FMN1: variants seen among roughly 807,000 people sequenced by gnomAD.
FMN1 encodes formin-1.
A neutral mutation model predicts 132.4 loss-of-function variants in FMN1; 110 were observed. The ratio of observed to expected loss-of-function variants is 0.83; its 90% CI spans 0.71 to 0.97. FMN1 has a LOEUF of 0.97. Ranked by LOEUF, FMN1 falls within the 50% of genes least tolerant of loss-of-function variation. The pLI is 0.00. For missense variants in FMN1, 1,792 were observed against 1,705.3 expected (o/e 1.05, Z -0.90); for synonymous variants, 722 against 651.7 (o/e 1.11, Z -1.64).
At chr15:33,181,440 A>T (rs1414433230) in intron 2 of FMN1, among the ~76,000 whole-genome samples, 1 of 152,110 alleles carries the variant, frequency 6.6e-6, no homozygotes, top group Non-Finnish European at 1.5e-5. Flanking sequence ...TACTCTTGAC[A>T]TGACCTCCAC....
chr15:32,975,777 A>G (rs1293093743), intron 7 of FMN1, among the ~76,000 whole-genome samples: 1 of 152,196 alleles, frequency 6.6e-6, no homozygotes, highest in Non-Finnish European at 1.5e-5. Flanking sequence ...CCCGGTAGAA[A>G]TGAACCACAT....
intron 7 of FMN1, among the ~76,000 whole-genome samples, chr15:32,972,363 T>TCGCAGCA (rs2140688488): frequency 6.6e-6 from 1 of 152,320 alleles, no homozygotes; most frequent in South Asian, 2.1e-4. Context: ...CTCTTTTCCT[T>TCGCAGCA]CGCAGCAGAA....
chr15:32,978,003 C>T (rs1185925325), intron 7 of FMN1, among the ~76,000 whole-genome samples: 4 of 151,850 alleles, frequency 2.6e-5, no homozygotes, highest in Non-Finnish European at 1.5e-5. Context: ...ACTACAGATG[C>T]ATGCCCCCAC....
At chr15:32,787,837 C>A (rs1256108367) in intron 19 of FMN1, among the ~76,000 whole-genome samples, 1 of 151,816 alleles carries the variant, frequency 6.6e-6, no homozygotes, top group Non-Finnish European at 1.5e-5. Context: ...AAGAATGAGA[C>A]CTTGTCTCTT....
chr15:32,998,819 T>A (rs562708530), intron 7 of FMN1, among the ~76,000 whole-genome samples: 1 of 152,222 alleles, frequency 6.6e-6, no homozygotes, highest in Non-Finnish European at 1.5e-5. Context: ...AAAACCATCA[T>A]TGGCCCCCAT....
chr15:33,103,886 C>T (rs905931940), intron 4 of FMN1, among the ~76,000 whole-genome samples: 2 of 152,052 alleles, frequency 1.3e-5, no homozygotes, highest in Non-Finnish European at 2.9e-5. Flanking sequence ...TTTCTTCCCC[C>T]TGAGGTAATT....
intron 7 of FMN1, among the ~76,000 whole-genome samples, chr15:32,974,720 T>C (rs1265160264): frequency 2.0e-5 from 3 of 152,226 alleles, no homozygotes; most frequent in Non-Finnish European, 4.4e-5. Context: ...CAACTGTTCT[T>C]AATCCGTATT....
chr15:32,883,219 AT>A (rs1187600961), intron 16 of FMN1, among the ~76,000 whole-genome samples: 1 of 152,172 alleles, frequency 6.6e-6, no homozygotes, highest in Admixed American at 6.6e-5. Flanking sequence ...CAAGGGTAAG[AT>A]CAGGTCCAGT....
At chr15:32,966,920 G>C (rs929707944) in intron 8 of FMN1, among the ~76,000 whole-genome samples, 2 of 152,152 alleles carry the variant, frequency 1.3e-5, no homozygotes, top group Admixed American at 1.3e-4. Flanking sequence ...AGTGCTAATA[G>C]GTACAAAAAG....
intron 4 of FMN1, among the ~76,000 whole-genome samples, chr15:33,113,000 G>A (rs1209168141): frequency 6.6e-6 from 1 of 152,230 alleles, no homozygotes; most frequent in Non-Finnish European, 1.5e-5. Flanking sequence ...TGACAACAGT[G>A]TCTTCTCTAT....
intron 9 of FMN1, among the ~76,000 whole-genome samples, chr15:32,943,619 A>T (rs890175964): frequency 6.6e-6 from 1 of 152,180 alleles, no homozygotes; most frequent in Non-Finnish European, 1.5e-5. Flanking sequence ...CCTATGTTAG[A>T]GATGCAGAAA....
At position 32,766,805 on chromosome 15, in the gene FMN1, C is replaced by T. The variant is rs2056063831; in HGVS notation, c.*7505G>A. On this transcript the variant is annotated 3_prime_UTR_variant, in exon 21 of 21. Coordinates refer to ENST00000616417, the MANE Select transcript of FMN1 (RefSeq NM_001277313.2). ...TGCAGAGGTGTGAAAAAATCTGGGT[C>T]TGGGGGAAACTGTAAAGTAGGAAAG... 6.6e-6 allele frequency: 1 copy of T among 151,828 alleles called. No individual in the cohort carries two copies. The highest frequency in any genetic ancestry group is 2.4e-5 in the African/African-American group (1 of 41,242). The allele number at this position is 151,828 out of a possible 1,614,324, so 9.4% of individuals were successfully genotyped here. A position where few individuals can be genotyped will look rare whatever the true frequency, so the allele number is the denominator to read the frequency against.
At chr15:33,105,189 TGTTTCATTACTAAATGGAG>T (rs2039438350) in intron 4 of FMN1, among the ~76,000 whole-genome samples, 1 of 152,140 alleles carries the variant, frequency 6.6e-6, no homozygotes, top group Non-Finnish European at 1.5e-5. Context: ...GTGCTCTGGA[TGTTTCATTACTAAATGGAG>T]CTATGTCCCC....
intron 7 of FMN1, among the ~76,000 whole-genome samples, chr15:32,981,721 T>C (rs963246899): frequency 6.6e-6 from 1 of 151,988 alleles, no homozygotes; most frequent in African/African-American, 2.4e-5. Flanking sequence ...ACATGATTCA[T>C]TTAGCACAGG....
In FMN1 at chr15:32,813,909, G is replaced by A. The variant is rs142620505; in HGVS notation, c.3929-9577C>T. On this transcript the variant is annotated intron_variant, in intron 17 of 20. Coordinates refer to ENST00000616417, the MANE Select transcript of FMN1 (RefSeq NM_001277313.2). The stretch of plus-strand genomic sequence containing the variant: ...CCAACGCTCCCTGCTGCTTCCCAAG[G>A]GGCAGCATTTTTCTCCAGGATTCCC... Among the ~76,000 whole-genome samples, 15 of 152,192 alleles carry A rather than the reference G, an allele frequency of 9.9e-5. No individual in the cohort carries two copies. The East Asian group carries it at 1.5e-3, about 16-fold the overall frequency.
At chr15:33,088,376 T>A (rs2141356844) in intron 5 of FMN1, among the ~76,000 whole-genome samples, 1 of 152,302 alleles carries the variant, frequency 6.6e-6, no homozygotes, top group Non-Finnish European at 1.5e-5. Flanking sequence ...GAGAGAAAGG[T>A]TCATGAATAT....
intron 9 of FMN1, among the ~76,000 whole-genome samples, chr15:32,962,009 C>A (rs972371132): frequency 1.1e-4 from 17 of 152,172 alleles, no homozygotes; most frequent in African/African-American, 3.4e-4. Flanking sequence ...ACCTCACCCC[C>A]ACCCTACTAA....
intron 13 of FMN1, among the ~76,000 whole-genome samples, chr15:32,900,871 T>C (rs2060277913): frequency 6.6e-6 from 1 of 152,136 alleles, no homozygotes; most frequent in African/African-American, 2.4e-5. Flanking sequence ...AAAAAAGTAA[T>C]GGCTGGGCAC....
At chr15:33,084,533 T>TA in intron 5 of FMN1, among the ~76,000 whole-genome samples, 1 of 152,138 alleles carries the variant, frequency 6.6e-6, no homozygotes, top group East Asian at 1.9e-4. Flanking sequence ...GTGGGACATC[T>TA]AGTTGGTGTC....
Sources: gnomAD v4.1 joint callset for allele counts (sites outside exome capture counted in the v4.1 genomes callset) on GRCh38, gnomAD v4.1.1 for gene constraint, MANE v1.5 for transcripts, NCBI Gene and HGNC (gene_info 2026-07-23, HGNC 2026-07-21) for gene names.